The following SLC35D4 variants were observed in gnomAD, a reference collection of about 807,000 sequenced individuals.
SLC35D4 encodes UDP-N-acetylglucosamine transporter SLC35D4.
the SLC35D4 span, among the ~76,000 whole-genome samples, chr18:23,253,465 A>G: frequency 6.6e-6 from 1 of 152,248 alleles, no homozygotes; most frequent in African/African-American, 2.4e-5. Flanking sequence ...CCTGGAAAAC[A>G]GAGTGAGACT....
chr18:23,361,754 T>C, the SLC35D4 span, among the ~76,000 whole-genome samples: 2 of 152,320 alleles, frequency 1.3e-5, no homozygotes, highest in South Asian at 2.1e-4. Context: ...TTTTCAAAAA[T>C]TATGAAAATA....
chr18:23,380,759 G>A, the SLC35D4 span, among the ~76,000 whole-genome samples: 6 of 152,022 alleles, frequency 3.9e-5, no homozygotes, highest in African/African-American at 9.7e-5. Flanking sequence ...CTCGAGCCAC[G>A]TATTGCCTTA....
chr18:23,415,035 C>T, the SLC35D4 span, among the ~76,000 whole-genome samples: 1 of 152,074 alleles, frequency 6.6e-6, no homozygotes, highest in Non-Finnish European at 1.5e-5. Flanking sequence ...TCTCTTAAAC[C>T]TAGGAGTTGC....
the SLC35D4 span, among the ~76,000 whole-genome samples, chr18:23,415,479 T>C: frequency 2.0e-5 from 3 of 152,226 alleles, no homozygotes; most frequent in Admixed American, 6.5e-5. Flanking sequence ...ACAGGAATTA[T>C]AGGACTGCAT....
At chr18:23,434,274 C>T in the SLC35D4 span, among the ~76,000 whole-genome samples, 1 of 152,136 alleles carries the variant, frequency 6.6e-6, no homozygotes, top group Non-Finnish European at 1.5e-5. Context: ...CCCTTCTTTC[C>T]TGCCTTCTGC....
the SLC35D4 span, among the ~76,000 whole-genome samples, chr18:23,250,821 G>A: frequency 8.5e-5 from 13 of 152,346 alleles, no homozygotes; most frequent in African/African-American, 2.4e-4. Flanking sequence ...CCAAGTGTTC[G>A]AAAACTCTGA....
the SLC35D4 span, among the ~76,000 whole-genome samples, chr18:23,415,687 A>G: frequency 1.1e-4 from 16 of 152,220 alleles, no homozygotes; most frequent in Non-Finnish European, 1.5e-4. Context: ...AAATTGCTTC[A>G]ATGTTCTGCA....
chr18:23,360,684 C>T, the SLC35D4 span, among the ~76,000 whole-genome samples: 12 of 152,188 alleles, frequency 7.9e-5, no homozygotes, highest in South Asian at 2.1e-4. Flanking sequence ...GTATAAGTTA[C>T]GCAGGTGTGT....
the SLC35D4 span, among the ~76,000 whole-genome samples, chr18:23,269,604 G>C: frequency 9.9e-5 from 15 of 152,240 alleles, no homozygotes; most frequent in Non-Finnish European, 1.9e-4. Flanking sequence ...GAACAGTTTG[G>C]AGGGCTCAGA....
the SLC35D4 span, among the ~76,000 whole-genome samples, chr18:23,411,531 A>C: frequency 2.0e-5 from 3 of 151,500 alleles, no homozygotes; most frequent in East Asian, 5.8e-4. Flanking sequence ...GAAAGAAAGA[A>C]AGAAAGAAAG....
At chr18:23,330,690 G>A in the SLC35D4 span, among the ~76,000 whole-genome samples, 1 of 152,194 alleles carries the variant, frequency 6.6e-6, no homozygotes, top group Admixed American at 6.5e-5. Context: ...GAGCTGCAGA[G>A]TGAGTTCCTG....
the SLC35D4 span, among the ~76,000 whole-genome samples, chr18:23,414,766 A>G: frequency 6.6e-6 from 1 of 152,126 alleles, no homozygotes; most frequent in Non-Finnish European, 1.5e-5. Flanking sequence ...ACCTGAGCCC[A>G]GGAGTTTGAC....
the SLC35D4 span, among the ~76,000 whole-genome samples, chr18:23,281,256 G>A: frequency 6.6e-6 from 1 of 152,188 alleles, no homozygotes; most frequent in Admixed American, 6.5e-5. Flanking sequence ...AAAGTGTACT[G>A]AATTGTACAC....
At chr18:23,372,534 A>G in the SLC35D4 span, among the ~76,000 whole-genome samples, 1 of 152,204 alleles carries the variant, frequency 6.6e-6, no homozygotes, top group African/African-American at 2.4e-5. Flanking sequence ...GGGCCTCCTT[A>G]TTCTATGCTA....
At chr18:23,373,771 G>A in the SLC35D4 span, 1 of 1,612,948 alleles carries the variant, frequency 6.2e-7, no homozygotes. Flanking sequence ...GCACTGTGGA[G>A]AGGGAGATAA....
At chr18:23,275,445 C>A in the SLC35D4 span, among the ~76,000 whole-genome samples, 1 of 152,146 alleles carries the variant, frequency 6.6e-6, no homozygotes, top group Non-Finnish European at 1.5e-5. Context: ...GTGAGACAAA[C>A]CCGAGGTGAT....
the SLC35D4 span, among the ~76,000 whole-genome samples, chr18:23,435,652 T>C: frequency 6.6e-6 from 1 of 152,254 alleles, no homozygotes; most frequent in Non-Finnish European, 1.5e-5. Flanking sequence ...ATCTTATAGT[T>C]TGCCACAATG....
the SLC35D4 span, among the ~76,000 whole-genome samples, chr18:23,293,331 T>C: frequency 6.6e-6 from 1 of 152,168 alleles, no homozygotes; most frequent in Admixed American, 6.5e-5. Flanking sequence ...TAAAATTTTC[T>C]AGCAGCCACG....
the SLC35D4 span, among the ~76,000 whole-genome samples, chr18:23,409,395 T>A: frequency 2.0e-5 from 3 of 152,208 alleles, no homozygotes; most frequent in Non-Finnish European, 2.9e-5. Flanking sequence ...CCCCAATTTA[T>A]CAATAATTGA....
Sources: allele counts gnomAD v4.1 joint callset (sites outside exome capture counted in the v4.1 genomes callset), GRCh38; gene constraint gnomAD v4.1.1; transcripts MANE v1.5; gene names NCBI Gene and HGNC (gene_info 2026-07-23, HGNC 2026-07-21).